CADPS: variants seen among roughly 807,000 people sequenced by gnomAD.
CADPS encodes the protein calcium dependent secretion activator.
A neutral mutation model predicts 167.3 loss-of-function variants in CADPS; 57 were observed. The observed-to-expected ratio is 0.34, with a 90% confidence interval of 0.28 to 0.42. CADPS has a LOEUF of 0.42. CADPS is among the 20% of genes least tolerant of loss of function. CADPS has a pLI of 1.00. For missense variants in CADPS, 1,414 were observed against 1,738.1 expected (o/e 0.81, Z 3.32); for synonymous variants, 676 against 635.3 (o/e 1.06, Z -0.96).
Position 62,480,507 on chromosome 3 carries a change from C to A in CADPS, c.3173+1216G>T, listed in dbSNP as rs145229507. ...TATGATTTTAGTGTGAACTTGTGAGCAATTGTAGGTTGTAGAAATATCAGG... is the reference window on the plus strand; with the variant it reads ...TATGATTTTAGTGTGAACTTGTGAGAAATTGTAGGTTGTAGAAATATCAGG... On this transcript the variant is annotated intron_variant, in intron 22 of 29. Coordinates refer to ENST00000383710, the MANE Select transcript of CADPS (RefSeq NM_003716.4). Among the ~76,000 whole-genome samples the A allele has an allele frequency of 8.7e-3, 1,323 of 152,084 alleles. 13 individuals are homozygous for A. The highest frequency in any genetic ancestry group is 0.051 in the Middle Eastern group (15 of 294).
intron 6 of CADPS, among the ~76,000 whole-genome samples, chr3:62,612,181 A>G (rs2061594609): frequency 6.6e-6 from 1 of 152,174 alleles, no homozygotes; most frequent in African/African-American, 2.4e-5. Context: ...CTTAAATGCT[A>G]TATAACTATG....
At chr3:62,526,293 T>G (rs1371663874) in intron 13 of CADPS, among the ~76,000 whole-genome samples, 1 of 152,200 alleles carries the variant, frequency 6.6e-6, no homozygotes, top group Non-Finnish European at 1.5e-5. Context: ...CTCTTACATC[T>G]GCTTTACTCA....
chr3:62,442,149 G>A (rs1373929823), intron 27 of CADPS, among the ~76,000 whole-genome samples: 1 of 147,666 alleles, frequency 6.8e-6, no homozygotes, highest in Non-Finnish European at 1.5e-5. Flanking sequence ...TATTGCTGCT[G>A]TACATTCTAG....
intron 1 of CADPS, among the ~76,000 whole-genome samples, chr3:62,868,917 A>C (rs906282501): frequency 4.6e-5 from 7 of 152,128 alleles, no homozygotes; most frequent in Admixed American, 1.3e-4. Flanking sequence ...GAGATTTAGA[A>C]ATTATCCCAG....
At chr3:62,634,109 G>A (rs1472999763) in intron 6 of CADPS, among the ~76,000 whole-genome samples, 8 of 152,244 alleles carry the variant, frequency 5.3e-5, no homozygotes, top group Middle Eastern at 3.4e-3. Context: ...CTTCCGGATA[G>A]GAAAGAATTA....
intron 1 of CADPS, among the ~76,000 whole-genome samples, chr3:62,775,381 T>A (rs947085065): frequency 2.6e-5 from 4 of 152,124 alleles, no homozygotes; most frequent in Admixed American, 2.6e-4. Context: ...TTAAAAATCA[T>A]ACATTGGTCA....
intron 12 of CADPS, among the ~76,000 whole-genome samples, chr3:62,535,836 G>A (rs143581826): frequency 1.3e-5 from 2 of 151,770 alleles, no homozygotes; most frequent in Non-Finnish European, 2.9e-5. Context: ...TAGGATTTCA[G>A]GAAATATTGA....
At chr3:62,871,329 C>T (rs1222034016) in intron 1 of CADPS, among the ~76,000 whole-genome samples, 1 of 152,054 alleles carries the variant, frequency 6.6e-6, no homozygotes, top group Admixed American at 6.5e-5. Flanking sequence ...AAGCCCATCC[C>T]TCTCCTTCAT....
chr3:62,815,707 C>T (rs147620530), intron 1 of CADPS, among the ~76,000 whole-genome samples: 3 of 152,074 alleles, frequency 2.0e-5, no homozygotes. Flanking sequence ...CTAACTAAAT[C>T]AAGGCAAAAC....
At chr3:62,775,527 G>A (rs1171330401) in intron 1 of CADPS, among the ~76,000 whole-genome samples, 1 of 152,156 alleles carries the variant, frequency 6.6e-6, no homozygotes, top group Non-Finnish European at 1.5e-5. Context: ...AAACTGTCCA[G>A]ATTATGGTGG....
chr3:62,427,839 C>T (rs1374604441), intron 28 of CADPS, among the ~76,000 whole-genome samples: 2 of 152,030 alleles, frequency 1.3e-5, no homozygotes, highest in African/African-American at 2.4e-5. Flanking sequence ...TTTAACTTTG[C>T]TTACTTTACA....
At chr3:62,563,488 C>G (rs1441814651) in intron 9 of CADPS, among the ~76,000 whole-genome samples, 1 of 145,486 alleles carries the variant, frequency 6.9e-6, no homozygotes, top group East Asian at 1.9e-4. Flanking sequence ...CATGTTGGTT[C>G]TATCTGAGTA....
At position 62,766,093 on chromosome 3, in the gene CADPS, A is replaced by G. The variant is rs141961626; in HGVS notation, c.442-109T>C. The G allele has an allele frequency of 7.3e-4, 479 of 657,976 alleles. 1 individual carries two copies. The African/African-American group carries it at 7.6e-3, about 10-fold the overall frequency. The allele number at this position is 657,976 out of a possible 1,614,324, so 40.8% of individuals were successfully genotyped here. A position where few individuals can be genotyped will look rare whatever the true frequency, so the allele number is the denominator to read the frequency against. On this transcript the variant is annotated intron_variant, in intron 1 of 29. Coordinates refer to ENST00000383710, the MANE Select transcript of CADPS (RefSeq NM_003716.4). ...CATTGGTGTATTGGAGCTGGCTTGT[A>G]TAGGTGTGTGACAGCTGATTAGTGA...
chr3:62,700,028 C>T (rs192373376), intron 3 of CADPS, among the ~76,000 whole-genome samples: 6 of 152,222 alleles, frequency 3.9e-5, no homozygotes, highest in African/African-American at 1.4e-4. Flanking sequence ...TTGCCAACCC[C>T]TATTCTACAA....
chr3:62,771,326 A>G (rs1421535857), intron 1 of CADPS, among the ~76,000 whole-genome samples: 1 of 152,138 alleles, frequency 6.6e-6, no homozygotes, highest in African/African-American at 2.4e-5. Context: ...ATTTCTCACA[A>G]TTGAGTCAGA....
intron 1 of CADPS, among the ~76,000 whole-genome samples, chr3:62,868,588 A>T (rs2082112517): frequency 6.6e-6 from 1 of 152,104 alleles, no homozygotes; most frequent in Non-Finnish European, 1.5e-5. Flanking sequence ...GACAAAATGC[A>T]TTCGTAGATC....
intron 6 of CADPS, among the ~76,000 whole-genome samples, chr3:62,639,099 G>A (rs1388070972): frequency 1.3e-5 from 2 of 152,070 alleles, no homozygotes; most frequent in Admixed American, 1.3e-4. Flanking sequence ...GGGAATTCTG[G>A]ACCAAGCATT....
intron 28 of CADPS, among the ~76,000 whole-genome samples, chr3:62,413,839 C>A (rs1320615051): frequency 2.6e-5 from 4 of 151,388 alleles, no homozygotes; most frequent in South Asian, 2.1e-4. Context: ...TAAGAAAGAA[C>A]AGATATGTAG....
intron 1 of CADPS, among the ~76,000 whole-genome samples, chr3:62,859,597 G>A (rs1287598986): frequency 6.6e-6 from 1 of 152,176 alleles, no homozygotes; most frequent in Non-Finnish European, 1.5e-5. Context: ...GGTCTATACT[G>A]CTGAATCATA....
Sources: allele counts gnomAD v4.1 joint callset (sites outside exome capture counted in the v4.1 genomes callset), GRCh38; gene constraint gnomAD v4.1.1; transcripts MANE v1.5; gene names NCBI Gene and HGNC (gene_info 2026-07-23, HGNC 2026-07-21).